Variants in RPS6KA6 observed in about 807,000 individuals in gnomAD.
The protein encoded by RPS6KA6 is ribosomal protein S6 kinase alpha-6.
In RPS6KA6, 27 loss-of-function variants were observed where a neutral mutation model predicts 65.4. That is an observed-to-expected ratio of 0.41 (90% CI 0.30 to 0.57). RPS6KA6 has a LOEUF of 0.57. Among genes scored for constraint, RPS6KA6 ranks in the 20% least tolerant of loss-of-function variants. The pLI is 0.24. For missense variants in RPS6KA6, 486 were observed against 555.6 expected (o/e 0.87, Z 1.26); for synonymous variants, 190 against 184.2 (o/e 1.03, Z -0.26).
At chrX:84,178,958 G>A (rs1304521861) in intron 1 of RPS6KA6, among the ~76,000 whole-genome samples, 1 of 110,575 alleles carries the variant, frequency 9.0e-6, no homozygotes, top group Non-Finnish European at 1.9e-5. Flanking sequence ...GAAAAACCTC[G>A]ACTCTTTATT....
At chrX:84,072,040 A>C (rs1005579185) in intron 20 of RPS6KA6, among the ~76,000 whole-genome samples, 1 of 111,785 alleles carries the variant, frequency 8.9e-6, no homozygotes, top group Non-Finnish European at 1.9e-5. Context: ...CAAAGGATTA[A>C]AGAGGATAGA....
intron 7 of RPS6KA6, 67 bp downstream of exon 7, chrX:84,135,037 A>G (rs1220070175): frequency 2.5e-6 from 2 of 788,483 alleles, no homozygotes; most frequent in Admixed American, 5.2e-5. Flanking sequence ...TAAAAGATCT[A>G]ACAGAGTTTG....
intron 18 of RPS6KA6, among the ~76,000 whole-genome samples, chrX:84,099,684 T>C (rs1468752207): frequency 1.2e-4 from 13 of 111,556 alleles, no homozygotes; most frequent in Non-Finnish European, 3.8e-5. Flanking sequence ...AGGCTTATAA[T>C]AACAGTTGAA....
At position 84,065,432 on chromosome X, in the gene RPS6KA6, C is replaced by T. The variant is rs2033379169; in HGVS notation, c.1972-321G>A. Among the ~76,000 whole-genome samples, 4 of 111,670 alleles carry T rather than the reference C, an allele frequency of 3.6e-5. No individual in the cohort carries two copies. In the South Asian group the frequency reaches 1.5e-3, roughly 41 times the overall value. ...AATATGCTAAATGTTCAGCAGGAGACAGGAGCTATTGAACTTTGCTGTTAA... is the reference window on the plus strand; with the variant it reads ...AATATGCTAAATGTTCAGCAGGAGATAGGAGCTATTGAACTTTGCTGTTAA... On this transcript the variant is annotated intron_variant, in intron 20 of 21. Coordinates refer to ENST00000262752, the MANE Select transcript of RPS6KA6 (RefSeq NM_014496.5).
intron 6 of RPS6KA6, 141 bp downstream of exon 6, chrX:84,145,337 C>G (rs2035180438): frequency 7.5e-6 from 3 of 399,422 alleles, no homozygotes; most frequent in Non-Finnish European, 1.3e-5. Flanking sequence ...CATTAACAGG[C>G]ACATTACCAA....
chrX:84,095,750 C>A lies in RPS6KA6; in HGVS notation c.1971+444G>T, dbSNP rs184273805. ...TTTCTACTGGACCACTCTAAGCCAT[C>A]AGGAATGAATATCCAGGTGCCACAG... is the stretch of plus-strand genomic sequence containing the variant. On this transcript the variant is annotated intron_variant, in intron 20 of 21. Transcript: ENST00000262752. Among the ~76,000 whole-genome samples, 104 of 111,782 alleles carry A rather than the reference C, an allele frequency of 9.3e-4. 1 individual carries two copies. The South Asian group carries it at 0.011, about 12-fold the overall frequency.
At position 84,149,099 on chromosome X, in the gene RPS6KA6, CA is replaced by C. The variant is rs775664550; in HGVS notation, c.259-977del. On this transcript the variant is annotated intron_variant, in intron 3 of 21. Coordinates refer to ENST00000262752, the MANE Select transcript of RPS6KA6 (RefSeq NM_014496.5). ...TCTTCACCAGAAGTAGATTTCACCT[CA>C]AAAAAACTATTTTCTTTGCTCATCC... Among the ~76,000 whole-genome samples, 5 of 111,713 alleles carry C rather than the reference CA, an allele frequency of 4.5e-5. No individual in the cohort carries two copies. The Admixed American group carries it at 4.8e-4, about 11-fold the overall frequency.
At chrX:84,140,913 T>C (rs1467340686) in intron 6 of RPS6KA6, among the ~76,000 whole-genome samples, 6 of 109,151 alleles carry the variant, frequency 5.5e-5, no homozygotes, top group Admixed American at 2.0e-4. Context: ...AAAAGCCTCA[T>C]AATTCAAAGA....
At chrX:84,146,327 G>T (rs1421575490) in intron 5 of RPS6KA6, among the ~76,000 whole-genome samples, 1 of 111,474 alleles carries the variant, frequency 9.0e-6, no homozygotes, top group African/African-American at 3.2e-5. Context: ...ATTACACTAA[G>T]AATAAAATCA....
chrX:84,181,361 T>C (rs1361181095), intron 1 of RPS6KA6, among the ~76,000 whole-genome samples: 1 of 111,552 alleles, frequency 9.0e-6, no homozygotes, highest in East Asian at 2.8e-4. Flanking sequence ...CTAAATTTTG[T>C]TTTTAATGCT....
chrX:84,090,640 A>G, intron 20 of RPS6KA6, among the ~76,000 whole-genome samples: 1 of 111,662 alleles, frequency 9.0e-6, no homozygotes, highest in Non-Finnish European at 1.9e-5. Context: ...GGGAACTACC[A>G]AACACTTATA....
intron 3 of RPS6KA6, among the ~76,000 whole-genome samples, chrX:84,153,211 C>G (rs188064372): frequency 1.7e-4 from 19 of 111,703 alleles, no homozygotes; most frequent in Admixed American, 1.4e-3. Flanking sequence ...TTCAAAAATT[C>G]ATTTTTAAGT....
intron 12 of RPS6KA6, 151 bp from the exon 13 acceptor site, chrX:84,107,876 T>C (rs986677938): frequency 5.9e-6 from 2 of 338,277 alleles, no homozygotes; most frequent in Non-Finnish European, 1.0e-5. Context: ...TTCTAAAATT[T>C]TGAGAGATAA....
chrX:84,128,181 T>C (rs1425416332), intron 8 of RPS6KA6, among the ~76,000 whole-genome samples: 1 of 110,941 alleles, frequency 9.0e-6, no homozygotes, highest in Non-Finnish European at 1.9e-5. Context: ...CAGAGAACAA[T>C]CTGAAAATGA....
intron 13 of RPS6KA6, among the ~76,000 whole-genome samples, chrX:84,107,334 T>G (rs1339775674): frequency 9.0e-6 from 1 of 111,512 alleles, no homozygotes; most frequent in African/African-American, 3.3e-5. Context: ...TCTCACGTCT[T>G]ACCTCCTACC....
At chrX:84,128,290 A>C (rs921284693) in intron 8 of RPS6KA6, among the ~76,000 whole-genome samples, 3 of 111,582 alleles carry the variant, frequency 2.7e-5, no homozygotes, top group African/African-American at 9.8e-5. Context: ...ACTACAAAAC[A>C]CTGATAAAAA....
chrX:84,187,084 T>C (rs1291876567), intron 1 of RPS6KA6, among the ~76,000 whole-genome samples: 1 of 111,443 alleles, frequency 9.0e-6, no homozygotes, highest in East Asian at 2.8e-4. Flanking sequence ...GACTTATTTA[T>C]AAGGGCTGGG....
chrX:84,073,044 T>A (rs777874345), intron 20 of RPS6KA6, among the ~76,000 whole-genome samples: 1 of 111,745 alleles, frequency 8.9e-6, no homozygotes, highest in Non-Finnish European at 1.9e-5. Context: ...AAAATTCGTA[T>A]GGAAGCACGA....
chrX:84,074,618 C>T (rs2033618530), intron 20 of RPS6KA6, among the ~76,000 whole-genome samples: 1 of 111,775 alleles, frequency 8.9e-6, no homozygotes, highest in African/African-American at 3.3e-5. Context: ...TGAAACATCA[C>T]ACTATACCTC....
Sources: gnomAD v4.1 joint callset for allele counts (sites outside exome capture counted in the v4.1 genomes callset) on GRCh38, gnomAD v4.1.1 for gene constraint, MANE v1.5 for transcripts, NCBI Gene and HGNC (gene_info 2026-07-23, HGNC 2026-07-21) for gene names.